Variants in FOXN3 observed in about 807,000 individuals in gnomAD.
The protein encoded by FOXN3 is forkhead box protein N3.
In FOXN3, 7 loss-of-function variants were observed where a neutral mutation model predicts 38.4. The observed-to-expected ratio is 0.18, with a 90% CI of 0.10 to 0.34. FOXN3 has a LOEUF of 0.34. FOXN3 is among the 10% of genes least tolerant of loss of function. The pLI is 1.00. For missense variants in FOXN3, 456 were observed against 613.4 expected (o/e 0.74, Z 2.71); for synonymous variants, 230 against 242.2 (o/e 0.95, Z 0.47).
At chr14:89,202,090 T>A (rs1888250376) in intron 4 of FOXN3, among the ~76,000 whole-genome samples, 1 of 152,218 alleles carries the variant, frequency 6.6e-6, no homozygotes, top group Admixed American at 6.5e-5. Context: ...AACCCTGCCA[T>A]CAGTGCTTCA....
intron 1 of FOXN3, among the ~76,000 whole-genome samples, chr14:89,599,375 C>T (rs144223239): frequency 1.4e-4 from 21 of 152,232 alleles, no homozygotes; most frequent in African/African-American, 4.8e-4. Context: ...TAGATTTTAA[C>T]TGCAGTAATT....
At chr14:89,336,549 G>A (rs1335531002) in intron 3 of FOXN3, among the ~76,000 whole-genome samples, 1 of 152,186 alleles carries the variant, frequency 6.6e-6, no homozygotes, top group East Asian at 1.9e-4. Context: ...AGTCAGATGA[G>A]GCCGGCTCAG....
At chr14:89,470,797 C>T (rs186094401) in intron 1 of FOXN3, among the ~76,000 whole-genome samples, 38 of 152,274 alleles carry the variant, frequency 2.5e-4, no homozygotes, top group African/African-American at 8.9e-4. Context: ...CTCGGAGCGG[C>T]CCAGTAGAGC....
chr14:89,317,705 T>C (rs982367988), intron 3 of FOXN3, among the ~76,000 whole-genome samples: 1 of 149,924 alleles, frequency 6.7e-6, no homozygotes. Flanking sequence ...CTACCTCCTT[T>C]CCCCCCCCAT....
chr14:89,234,389 A>G (rs556702228), intron 4 of FOXN3, among the ~76,000 whole-genome samples: 1 of 152,206 alleles, frequency 6.6e-6, no homozygotes, highest in African/African-American at 2.4e-5. Flanking sequence ...TTGTGGCTGC[A>G]TCGCTCTACT....
intron 1 of FOXN3, among the ~76,000 whole-genome samples, chr14:89,500,298 C>T (rs1893769719): frequency 6.6e-6 from 1 of 152,332 alleles, no homozygotes; most frequent in South Asian, 2.1e-4. Context: ...GCACGGATGG[C>T]CTAAGAGGCT....
At chr14:89,455,296 C>T (rs569933234) in intron 1 of FOXN3, among the ~76,000 whole-genome samples, 2 of 152,348 alleles carry the variant, frequency 1.3e-5, no homozygotes, top group South Asian at 4.1e-4. Flanking sequence ...TTGAGAAAAG[C>T]TCCGCTAGCA....
At chr14:89,504,812 C>T (rs756711121) in intron 1 of FOXN3, among the ~76,000 whole-genome samples, 28 of 152,188 alleles carry the variant, frequency 1.8e-4, no homozygotes, top group Non-Finnish European at 3.7e-4. Flanking sequence ...ACAGCAACCA[C>T]GGCCCACAGG....
chr14:89,507,651 G>A (rs1056936816), intron 1 of FOXN3, among the ~76,000 whole-genome samples: 3 of 152,130 alleles, frequency 2.0e-5, no homozygotes, highest in Non-Finnish European at 4.4e-5. Context: ...GAAACAGCAA[G>A]GAAAGGTCAA....
intron 1 of FOXN3, among the ~76,000 whole-genome samples, chr14:89,481,087 G>GA (rs1393247624): frequency 2.5e-5 from 2 of 81,516 alleles, no homozygotes; most frequent in Non-Finnish European, 5.5e-5. Flanking sequence ...TTGTGGTTAA[G>GA]CTTTTTTTTT....
intron 1 of FOXN3, among the ~76,000 whole-genome samples, chr14:89,568,036 T>C (rs1250407510): frequency 6.6e-6 from 1 of 151,910 alleles, no homozygotes; most frequent in Non-Finnish European, 1.5e-5. Flanking sequence ...CTCGTTGATT[T>C]CAAAGAGAAC....
At chr14:89,218,272 C>G (rs1280656329) in intron 4 of FOXN3, among the ~76,000 whole-genome samples, 2 of 152,190 alleles carry the variant, frequency 1.3e-5, no homozygotes, top group African/African-American at 2.4e-5. Context: ...TATGATCGGA[C>G]AAGTCAATGG....
At chr14:89,535,180 C>T (rs547692873) in intron 1 of FOXN3, among the ~76,000 whole-genome samples, 3 of 150,544 alleles carry the variant, frequency 2.0e-5, no homozygotes, top group Admixed American at 1.3e-4. Flanking sequence ...TTTTAAATAA[C>T]GCACAGCTTT....
intron 1 of FOXN3, among the ~76,000 whole-genome samples, chr14:89,415,649 A>T (rs573123755): frequency 2.0e-5 from 3 of 146,716 alleles, no homozygotes; most frequent in South Asian, 4.6e-4. Flanking sequence ...CAGAAACCAC[A>T]GCTGAGGAGT....
chr14:89,203,210 G>A (rs913098302), intron 4 of FOXN3, among the ~76,000 whole-genome samples: 11 of 152,168 alleles, frequency 7.2e-5, no homozygotes, highest in African/African-American at 1.7e-4. Context: ...GCTGAAACCC[G>A]AGAATGCAAT....
intron 1 of FOXN3, among the ~76,000 whole-genome samples, chr14:89,524,320 A>C (rs1481804482): frequency 7.7e-6 from 1 of 130,556 alleles, no homozygotes; most frequent in Non-Finnish European, 1.6e-5. Context: ...GCCTGCAGTG[A>C]GCCGAGATCG....
intron 2 of FOXN3, among the ~76,000 whole-genome samples, chr14:89,387,845 T>C (rs1566974717): frequency 6.6e-6 from 1 of 152,176 alleles, no homozygotes; most frequent in African/African-American, 2.4e-5. Context: ...GGCACCCACC[T>C]GCGTCTAGCA....
At chr14:89,612,920 C>T (rs528407496) in intron 1 of FOXN3, among the ~76,000 whole-genome samples, 1 of 151,776 alleles carries the variant, frequency 6.6e-6, no homozygotes, top group Admixed American at 6.6e-5. Flanking sequence ...CAGTTTCAGA[C>T]GAGCCTGGCC....
chr14:89,594,289 A>C (rs1002711068), intron 1 of FOXN3, among the ~76,000 whole-genome samples: 1 of 152,218 alleles, frequency 6.6e-6, no homozygotes, highest in Non-Finnish European at 1.5e-5. Context: ...AATGCTGATT[A>C]GTTTTCCAAA....
Sources: gnomAD v4.1 joint callset for allele counts (sites outside exome capture counted in the v4.1 genomes callset) on GRCh38, gnomAD v4.1.1 for gene constraint, MANE v1.5 for transcripts, NCBI Gene and HGNC (gene_info 2026-07-23, HGNC 2026-07-21) for gene names.